LHX4: variants seen among roughly 807,000 people sequenced by gnomAD.
LHX4 encodes LIM/homeobox protein Lhx4.
LHX4 carries 16 observed loss-of-function variants against 39.2 expected under a neutral mutation model. The ratio of observed to expected loss-of-function variants is 0.41; its 90% CI spans 0.28 to 0.62. The LOEUF (loss-of-function observed/expected upper bound fraction) is 0.62. Among genes scored for constraint, LHX4 ranks in the 20% least tolerant of loss-of-function variants. The pLI is 0.33. For missense variants in LHX4, 439 were observed against 511.9 expected, an observed-to-expected ratio of 0.86 and a Z score of 1.37; for synonymous variants, 206 against 198.1, an observed-to-expected ratio of 1.04 and a Z score of -0.33.
At chr1:180,254,149 G>A (rs755949446) in intron 2 of LHX4, among the ~76,000 whole-genome samples, 10 of 152,276 alleles carry the variant, frequency 6.6e-5, no homozygotes, top group African/African-American at 1.4e-4. Flanking sequence ...CCATCTGCCC[G>A]TCAGGGGGCG....
In LHX4 at chr1:180,271,870, C is replaced by T. The variant is rs1558224659; in HGVS notation, c.642C>T (p.Arg214=). 1 of 1,613,614 alleles carries T rather than the reference C, an allele frequency of 6.2e-7. No homozygotes were observed. Among genetic ancestry groups the T allele is most frequent in the Non-Finnish European group, 8.5e-7 (1 of 1,179,954 alleles). The change falls in exon 5 of 6, where the codon CGC becomes CGT. Residue 214 remains arginine (R), a synonymous_variant. Transcript: ENST00000263726. Reference sequence around the variant, plus strand: ...AGAACAGAAGGGCCAAAGAGAAACGCCTGAAGAAGGATGCAGGGCGGCACC... The same window carrying T: ...AGAACAGAAGGGCCAAAGAGAAACGTCTGAAGAAGGATGCAGGGCGGCACC... ...WFQNRRAKEK[R]LKKDAGRHRW...
chr1:180,255,248 G>A (rs1196192168), intron 2 of LHX4, among the ~76,000 whole-genome samples: 1 of 152,254 alleles, frequency 6.6e-6, no homozygotes, highest in Admixed American at 6.5e-5. Flanking sequence ...GAGTCAGTGT[G>A]GAGTCAGACT....
At chr1:180,248,151 T>C (rs962706919) in intron 1 of LHX4, 134 bp from the exon 2 acceptor site, 4 of 805,750 alleles carry the variant, frequency 5.0e-6, no homozygotes, top group African/African-American at 3.4e-5. Flanking sequence ...TGTACAACTA[T>C]ATGCAACAGC....
intron 1 of LHX4, among the ~76,000 whole-genome samples, chr1:180,241,101 C>G (rs1038961355): frequency 2.0e-5 from 3 of 152,186 alleles, no homozygotes; most frequent in African/African-American, 7.2e-5. Context: ...ATTACAGCAA[C>G]AGTGAAGTAA....
chr1:180,251,319 A>AGGT (rs1647620293), intron 2 of LHX4, among the ~76,000 whole-genome samples: 1 of 152,208 alleles, frequency 6.6e-6, no homozygotes, highest in African/African-American at 2.4e-5. Flanking sequence ...ACGCCAGCCC[A>AGGT]GGCTGTTTCA....
At chr1:180,229,107 A>G (rs1410338457), upstream of LHX4, among the ~76,000 whole-genome samples, 1 of 152,194 alleles carries the variant, frequency 6.6e-6, no homozygotes, top group African/African-American at 2.4e-5. Context: ...GTTGAGGAGA[A>G]TTTGTTTTAA....
At chr1:180,228,903 T>C (rs1664087027), upstream of LHX4, among the ~76,000 whole-genome samples, 1 of 152,074 alleles carries the variant, frequency 6.6e-6, no homozygotes, top group South Asian at 2.1e-4. Context: ...CCCACTAGGC[T>C]GGAAGGACAC....
chr1:180,270,315 A>T (rs1027183513), intron 3 of LHX4: 2 of 152,310 alleles, frequency 1.3e-5, no homozygotes. Context: ...ACAGAGAGGA[A>T]GTCAGGAATG....
At chr1:180,270,613 G>A (rs1173170410) in intron 3 of LHX4, 1 of 153,404 alleles carries the variant, frequency 6.5e-6, no homozygotes, top group Non-Finnish European at 1.5e-5. Context: ...TGATCAGTCA[G>A]TGTGTTGCCC....
chr1:180,248,018 G>A (rs1318856454), intron 1 of LHX4, among the ~76,000 whole-genome samples: 2 of 152,172 alleles, frequency 1.3e-5, no homozygotes, highest in Non-Finnish European at 2.9e-5. Context: ...CCTTAGAAAC[G>A]AGTGATTCCT....
intron 1 of LHX4, among the ~76,000 whole-genome samples, chr1:180,245,140 C>G (rs563156061): frequency 1.3e-5 from 2 of 152,350 alleles, no homozygotes; most frequent in South Asian, 4.1e-4. Flanking sequence ...GCAGTCCTCC[C>G]TGACCCCTCC....
intron 2 of LHX4, among the ~76,000 whole-genome samples, chr1:180,249,041 AGGCT>A (rs1378030256): frequency 2.0e-5 from 3 of 152,214 alleles, no homozygotes; most frequent in Admixed American, 2.0e-4. Context: ...GGTTGAGTCC[AGGCT>A]CTGCCTGTAT....
chr1:180,268,077 A>G (rs1648402899), intron 3 of LHX4, among the ~76,000 whole-genome samples: 1 of 152,158 alleles, frequency 6.6e-6, no homozygotes, highest in Non-Finnish European at 1.5e-5. Context: ...CTTTGCCTGC[A>G]ATGTACTAAT....
intron 1 of LHX4, among the ~76,000 whole-genome samples, chr1:180,233,658 C>G (rs569210587): frequency 6.6e-6 from 1 of 152,302 alleles, no homozygotes; most frequent in East Asian, 1.9e-4. Flanking sequence ...TCGGTTTTGA[C>G]CCATCTGCCA....
upstream of LHX4, among the ~76,000 whole-genome samples, chr1:180,229,398 G>A (rs113158924): frequency 2.0e-5 from 3 of 152,114 alleles, no homozygotes; most frequent in African/African-American, 7.2e-5. Context: ...GACTCCGGCT[G>A]CAGGCCGCGG....
rs1664273170 is a variant in LHX4, at chr1:180,234,822, A to C, written c.76+4217A>C. Among the ~76,000 whole-genome samples, 1 of 152,230 alleles carries C rather than the reference A, an allele frequency of 6.6e-6. No individual in the cohort carries two copies. The highest frequency in any genetic ancestry group is 2.4e-5 in the African/African-American group (1 of 41,476). Reference sequence around the variant, plus strand: ...AAACCAGAGCTAGGCGGGGCTACGCAGGGCTGAGCAGGAGTGGCGTCCTAG... The same window carrying C: ...AAACCAGAGCTAGGCGGGGCTACGCCGGGCTGAGCAGGAGTGGCGTCCTAG... On this transcript the variant is annotated intron_variant, in intron 1 of 5. Transcript: ENST00000263726. The surrounding 1 kb of genome is among the most constrained non-coding windows in gnomAD (Gnocchi z 4.8).
rs1647259689 is a variant in LHX4 at position 180,243,481 on chromosome 1, G to A, written c.77-4804G>A. ...ACTGTAAAAATAATAATTTATTACA[G>A]GTTTAATTAAGAGGCTTATGTTGTT... On this transcript the variant is annotated intron_variant, in intron 1 of 5. Transcript: ENST00000263726. Among the ~76,000 whole-genome samples, 3 of 152,106 alleles carry A rather than the reference G, an allele frequency of 2.0e-5. 1 individual carries two copies. The highest frequency in any genetic ancestry group is 1.3e-4 in the Admixed American group (2 of 15,278).
rs1033200435 is a variant in LHX4, at chr1:180,232,950, A to G, written c.76+2345A>G. Among the ~76,000 whole-genome samples the G allele has an allele frequency of 3.3e-5, 5 of 152,160 alleles. No homozygotes were observed. Among genetic ancestry groups the G allele is most frequent in the Admixed American group, 1.3e-4 (2 of 15,284 alleles). ...CCCACAGGGGTCCCTCCAGTCGCCA[A>G]CTAGAAGGGTTTCCCTCTCAACACA... On this transcript the variant is annotated intron_variant, in intron 1 of 5. Transcript: ENST00000263726. This position sits in a 1 kb window ranked among gnomAD's most constrained non-coding sequence, Gnocchi z 5.4.
In LHX4 at chr1:180,266,184, CCTT is replaced by C. The variant is rs1648305229; in HGVS notation, c.249-204_249-202del. 2.0e-5 allele frequency among the ~76,000 whole-genome samples: 3 copies of C among 152,246 alleles called. No individual in the cohort carries two copies. In the South Asian group the frequency reaches 6.2e-4, roughly 32 times the overall value. On this transcript the variant is annotated intron_variant, in intron 2 of 5. Transcript: ENST00000263726. The surrounding 1 kb of genome is among the most constrained non-coding windows in gnomAD (Gnocchi z 5.7). The stretch of plus-strand genomic sequence containing the variant: ...AGGGAGACTCTAGTTCTCATCAGTC[CCTT>C]CTTTGGTGGTTGAAGAGTCCCAGGC...
Sources: allele counts gnomAD v4.1 joint callset (sites outside exome capture counted in the v4.1 genomes callset), GRCh38; gene constraint gnomAD v4.1.1; non-coding constraint Gnocchi (gnomAD v3.1); transcripts MANE v1.5; gene names NCBI Gene and HGNC (gene_info 2026-07-23, HGNC 2026-07-21).